RTN4: variants seen among roughly 807,000 people sequenced by gnomAD.
The protein encoded by RTN4 is reticulon-4.
In RTN4, 32 loss-of-function variants were observed where a neutral mutation model predicts 90.4. The observed-to-expected ratio is 0.35, with a 90% CI of 0.27 to 0.48. The LOEUF (loss-of-function observed/expected upper bound fraction) is 0.48, where lower values mean the gene tolerates loss of function less well. RTN4 is among the 20% of genes least tolerant of loss of function. The pLI, the probability that RTN4 is intolerant of heterozygous loss-of-function variation, is 0.99. For missense variants in RTN4, 1,706 were observed against 1,430.2 expected (o/e 1.19, Z -3.11); for synonymous variants, 629 against 552.5 (o/e 1.14, Z -1.94).
At chr2:55,040,821 T>G (rs1347470114) in intron 1 of RTN4, among the ~76,000 whole-genome samples, 1 of 152,078 alleles carries the variant, frequency 6.6e-6, no homozygotes, top group Admixed American at 6.5e-5. Context: ...ATTAATTTTT[T>G]TCTTAATATT....
intron 8 of RTN4, 131 bp from the exon 9 acceptor site, chr2:54,973,329 C>A: frequency 1.0e-6 from 1 of 964,534 alleles, no homozygotes; most frequent in Non-Finnish European, 1.6e-6. Flanking sequence ...TAATTCTAAG[C>A]TATAATTTTG....
chr2:55,133,814 G>T, the RTN4 span, among the ~76,000 whole-genome samples: 1 of 152,132 alleles, frequency 6.6e-6, no homozygotes, highest in Non-Finnish European at 1.5e-5. Context: ...CCCAAAATTG[G>T]GGTTCAGCCC....
At position 55,065,070 on chromosome 2, in the gene RTN4, T is replaced by A. The variant is rs191703384; in HGVS notation, c.-63+15419A>T. Among the ~76,000 whole-genome samples, 667 of 152,198 alleles carry A rather than the reference T, an allele frequency of 4.4e-3. 4 individuals are homozygous for A. The highest frequency in any genetic ancestry group is 0.013 in the African/African-American group (529 of 41,470). On this transcript the variant is annotated intron_variant, in intron 2 of 3. Coordinates refer to the RTN4 transcript ENST00000427710. ...TGCAAGCAAAATTACAGAGATAAGT[T>A]GAGTATGTTACTGGTTGATATCTGT...
the RTN4 span, among the ~76,000 whole-genome samples, chr2:55,120,107 T>C: frequency 7.2e-5 from 11 of 152,174 alleles, no homozygotes; most frequent in Admixed American, 5.2e-4. Flanking sequence ...ATGATTCCCA[T>C]GCCCACTCTG....
Position 55,025,387 on chromosome 2 carries a change from C to T in RTN4, c.2712G>A (p.Pro904=), listed in dbSNP as rs142717278. ...VSHKSEIANA[P]DGAGSLPCTE... is the part of the protein sequence containing the mutation. ...TGCAAGGCAATGACCCAGCTCCATC[C>T]GGGGCATTAGCAATTTCACTTTTGT... Residue 904 remains proline, a synonymous_variant, in exon 3 of 9, where the codon CCG becomes CCA. Coordinates refer to ENST00000337526, the MANE Select transcript of RTN4 (RefSeq NM_020532.5). 1.5e-4 allele frequency: 250 copies of T among 1,613,850 alleles called. No individual in the cohort carries two copies. Among genetic ancestry groups the T allele is most frequent in the Middle Eastern group, 6.6e-4 (4 of 6,058 alleles).
chr2:55,108,260 C>A (rs1041822158), intron 1 of RTN4, among the ~76,000 whole-genome samples: 3 of 151,956 alleles, frequency 2.0e-5, no homozygotes, highest in African/African-American at 7.3e-5. Flanking sequence ...CAGCCCAGTT[C>A]TTTATGTATA....
At chr2:55,011,704 A>C (rs932818093) in intron 3 of RTN4, among the ~76,000 whole-genome samples, 11 of 152,176 alleles carry the variant, frequency 7.2e-5, no homozygotes, top group Non-Finnish European at 1.2e-4. Context: ...CTAAAAACAA[A>C]ACATGTAAGA....
At chr2:55,090,708 A>G (rs574927065) in intron 1 of RTN4, among the ~76,000 whole-genome samples, 3 of 152,304 alleles carry the variant, frequency 2.0e-5, no homozygotes, top group African/African-American at 7.2e-5. Context: ...GCACTGACCC[A>G]GGGTCCAATT....
At chr2:55,120,245 G>A in the RTN4 span, among the ~76,000 whole-genome samples, 1 of 152,212 alleles carries the variant, frequency 6.6e-6, no homozygotes, top group African/African-American at 2.4e-5. Context: ...TTCTTAGAAG[G>A]AAAGCAATGC....
rs1162595777 is a variant in RTN4, at chr2:55,025,205, T to C, written c.2894A>G (p.Glu965Gly). ...VSALATQAEIESIVKPKVLVK... is the reference protein window; with the variant it reads ...VSALATQAEIGSIVKPKVLVK... ...AAGAACTTTGGGTTTAACTATGCTC[T>C]CTATCTCTGCTTGAGTGGCCAAAGC... Residue 965 changes from glutamate to glycine, a missense_variant, in exon 3 of 9, where the codon GAG becomes GGG. Coordinates refer to ENST00000337526, the MANE Select transcript of RTN4 (RefSeq NM_020532.5). 1 of 1,613,900 alleles carries C rather than the reference T, an allele frequency of 6.2e-7. No homozygotes were observed. The highest frequency in any genetic ancestry group is 8.5e-7 in the Non-Finnish European group (1 of 1,179,844).
chr2:55,125,633 G>A, the RTN4 span, among the ~76,000 whole-genome samples: 1 of 152,158 alleles, frequency 6.6e-6, no homozygotes, highest in African/African-American at 2.4e-5. Context: ...GGGCACGGTG[G>A]CACATGCCTG....
chr2:55,120,760 C>T, the RTN4 span, among the ~76,000 whole-genome samples: 2 of 151,980 alleles, frequency 1.3e-5, no homozygotes, highest in African/African-American at 2.4e-5. Flanking sequence ...AGGGCTCGGG[C>T]GGGCTGTGTG....
intron 1 of RTN4, among the ~76,000 whole-genome samples, chr2:55,030,481 A>T (rs1488568096): frequency 6.6e-6 from 1 of 152,212 alleles, no homozygotes; most frequent in East Asian, 1.9e-4. Context: ...TAAAGCAATC[A>T]CAGATCATGA....
chr2:55,032,148 T>C (rs924406649), intron 1 of RTN4, among the ~76,000 whole-genome samples: 23 of 152,198 alleles, frequency 1.5e-4, no homozygotes, highest in Middle Eastern at 6.8e-3. Flanking sequence ...CGGGGCTATC[T>C]TGGCTCACTG....
chr2:55,010,141 G>A (rs1455813371), intron 3 of RTN4: 1 of 1,613,132 alleles, frequency 6.2e-7, no homozygotes, highest in Non-Finnish European at 8.5e-7. Context: ...GATCTGCTTT[G>A]CAGCTCCAAT....
the RTN4 span, among the ~76,000 whole-genome samples, chr2:55,118,750 A>G: frequency 1.3e-5 from 2 of 152,182 alleles, no homozygotes; most frequent in Non-Finnish European, 2.9e-5. Flanking sequence ...GCCCTAGCTC[A>G]TGGAACCCTG....
At chr2:55,110,725 A>G (rs1668023210) in intron 1 of RTN4, among the ~76,000 whole-genome samples, 2 of 152,216 alleles carry the variant, frequency 1.3e-5, no homozygotes, top group Admixed American at 6.5e-5. Context: ...ACCTCAAATC[A>G]GGAAAAATAC....
chr2:55,075,573 A>G (rs775676637), intron 2 of RTN4, among the ~76,000 whole-genome samples: 14 of 152,250 alleles, frequency 9.2e-5, no homozygotes, highest in Non-Finnish European at 1.6e-4. Flanking sequence ...CATTCTTCAC[A>G]GAACTAGAAG....
chr2:55,071,012 G>A (rs1343774026), intron 2 of RTN4, among the ~76,000 whole-genome samples: 1 of 150,698 alleles, frequency 6.6e-6, no homozygotes, highest in Non-Finnish European at 1.5e-5. Flanking sequence ...TCCTGACCTC[G>A]TGATCTTCCC....
Sources: allele counts gnomAD v4.1 joint callset (sites outside exome capture counted in the v4.1 genomes callset), GRCh38; gene constraint gnomAD v4.1.1; transcripts MANE v1.5; gene names NCBI Gene and HGNC (gene_info 2026-07-23, HGNC 2026-07-21).